EPB41L2: variants seen among roughly 807,000 people sequenced by gnomAD.
The protein encoded by EPB41L2 is erythrocyte membrane protein band 4.1 like 2.
A neutral mutation model predicts 113.0 loss-of-function variants in EPB41L2; 43 were observed. That is an observed-to-expected ratio of 0.38 (90% CI 0.30 to 0.49). The LOEUF (loss-of-function observed/expected upper bound fraction) is 0.49, where lower values mean the gene tolerates loss of function less well. EPB41L2 is among the 20% of genes least tolerant of loss of function. EPB41L2 has a pLI of 0.95. For missense variants in EPB41L2, 1,147 were observed against 1,223.4 expected, an observed-to-expected ratio of 0.94 and a Z score of 0.93; for synonymous variants, 442 against 436.7, an observed-to-expected ratio of 1.01 and a Z score of -0.15.
At chr6:130,900,882 C>A in intron 7 of EPB41L2, 80 bp downstream of exon 7, 2 of 1,504,356 alleles carry the variant, frequency 1.3e-6, no homozygotes, top group African/African-American at 1.4e-5. Flanking sequence ...GTAAATCATG[C>A]TCAAATGTCT....
chr6:131,006,679 A>G (rs904115135), intron 1 of EPB41L2, among the ~76,000 whole-genome samples: 91 of 151,992 alleles, frequency 6.0e-4, no homozygotes, highest in African/African-American at 2.2e-3. Flanking sequence ...AAAAAAAAAA[A>G]AAGATTCATT....
At chr6:130,999,848 T>C (rs1018942368) in intron 1 of EPB41L2, among the ~76,000 whole-genome samples, 10 of 152,192 alleles carry the variant, frequency 6.6e-5, no homozygotes, top group Non-Finnish European at 1.5e-5. Flanking sequence ...GCTAACTGAC[T>C]GAAAGATCAG....
chr6:130,917,853 C>T (rs895392921), intron 4 of EPB41L2, among the ~76,000 whole-genome samples: 7 of 152,200 alleles, frequency 4.6e-5, no homozygotes, highest in Non-Finnish European at 7.3e-5. Context: ...TCAAATGCCT[C>T]GCCATGCCTT....
chr6:131,005,174 C>T (rs1333639951), intron 1 of EPB41L2, among the ~76,000 whole-genome samples: 7 of 140,136 alleles, frequency 5.0e-5, no homozygotes, highest in Non-Finnish European at 1.1e-4. Context: ...TGATCTTTTA[C>T]AGAGTTTTTT....
chr6:131,006,791 C>T (rs1390834202), intron 1 of EPB41L2, among the ~76,000 whole-genome samples: 1 of 151,974 alleles, frequency 6.6e-6, no homozygotes, highest in Admixed American at 6.6e-5. Flanking sequence ...TATTACTCTA[C>T]AATTATCTCA....
At chr6:130,998,692 G>A (rs1783697816) in intron 1 of EPB41L2, among the ~76,000 whole-genome samples, 1 of 152,146 alleles carries the variant, frequency 6.6e-6, no homozygotes, top group African/African-American at 2.4e-5. Context: ...ACAAACAGTA[G>A]ACTCTGATTA....
In EPB41L2 at chr6:130,853,278, C is replaced by T. The variant is rs552899341; in HGVS notation, c.*5+4853G>A. Reference sequence around the variant, plus strand: ...CTTTTTTACCTGACATCAATTATTACTCTAAGAGTCAGAGAGGCTCCTGTG... The same window carrying T: ...CTTTTTTACCTGACATCAATTATTATTCTAAGAGTCAGAGAGGCTCCTGTG... On this transcript the variant is annotated intron_variant, in intron 19 of 19. Coordinates refer to ENST00000337057, the MANE Select transcript of EPB41L2 (RefSeq NM_001431.4). 3.9e-5 allele frequency among the ~76,000 whole-genome samples: 6 copies of T among 152,284 alleles called. No individual in the cohort carries two copies. In the South Asian group the frequency reaches 1.2e-3, roughly 32 times the overall value.
At chr6:131,011,840 C>T (rs1470844949) in intron 1 of EPB41L2, among the ~76,000 whole-genome samples, 1 of 152,132 alleles carries the variant, frequency 6.6e-6, no homozygotes, top group African/African-American at 2.4e-5. Context: ...ATCCAGTGTA[C>T]AGTAAATGGG....
chr6:130,853,501 G>T (rs924457198), intron 19 of EPB41L2, among the ~76,000 whole-genome samples: 4 of 152,226 alleles, frequency 2.6e-5, no homozygotes, highest in African/African-American at 9.6e-5. Context: ...CGGCAGGAGG[G>T]AGTAGTCCTT....
chr6:130,944,243 G>A (rs1812003076), intron 3 of EPB41L2, among the ~76,000 whole-genome samples: 1 of 150,570 alleles, frequency 6.6e-6, no homozygotes, highest in Non-Finnish European at 1.5e-5. Context: ...TAGAGGGGAT[G>A]GAGAGAAGAC....
At chr6:130,985,297 G>A (rs184045336) in intron 1 of EPB41L2, among the ~76,000 whole-genome samples, 1 of 152,056 alleles carries the variant, frequency 6.6e-6, no homozygotes, top group African/African-American at 2.4e-5. Flanking sequence ...GCCACATTTG[G>A]GGGGGGACTT....
intron 1 of EPB41L2, among the ~76,000 whole-genome samples, chr6:130,981,804 T>C (rs1779434828): frequency 6.6e-6 from 1 of 152,164 alleles, no homozygotes; most frequent in South Asian, 2.1e-4. Context: ...TTTAAATTTG[T>C]AAAATAAAAA....
At chr6:131,017,244 G>A (rs1788445803) in intron 1 of EPB41L2, among the ~76,000 whole-genome samples, 1 of 152,138 alleles carries the variant, frequency 6.6e-6, no homozygotes, top group African/African-American at 2.4e-5. Flanking sequence ...TTATACCACT[G>A]GACTAGGAGC....
chr6:130,959,991 T>C (rs949627433), intron 1 of EPB41L2, among the ~76,000 whole-genome samples: 2 of 152,364 alleles, frequency 1.3e-5, no homozygotes, highest in East Asian at 3.9e-4. Context: ...AAAGCATTAA[T>C]AGTTGTTTAT....
rs61731764 is a variant in EPB41L2, at chr6:130,865,592, C to T, written c.2773G>A (p.Ala925Thr). 514 of 1,614,026 alleles carry T rather than the reference C, an allele frequency of 3.2e-4. 2 individuals are homozygous for T. The African/African-American group carries it at 5.5e-3, about 17-fold the overall frequency. The change falls in exon 17 of 20, where the codon GCA (alanine) becomes ACA (threonine). Residue 925 changes from alanine (A) to threonine (T), a missense_variant. Physicochemically the swap from Ala to Thr is moderately conservative, Grantham distance 58 (BLOSUM62 0). Coordinates refer to ENST00000337057, the MANE Select transcript of EPB41L2 (RefSeq NM_001431.4). ...ACGGACTCAGATGTGATGGTTTGTG[C>T]GGTCAGTAACGTGCCCGAATCACCA... is the stretch of plus-strand genomic sequence containing the variant. ...AGGDSGTLLT[A>T]QTITSESVST... is the part of the protein sequence containing the mutation.
chr6:130,890,597 A>G (rs1196170219), intron 10 of EPB41L2, 131 bp from the exon 11 acceptor site: 1 of 1,071,410 alleles, frequency 9.3e-7, no homozygotes. Flanking sequence ...CTCAAAAACT[A>G]AACTTTCTAA....
At chr6:130,975,118 A>G (rs1429119924) in intron 1 of EPB41L2, among the ~76,000 whole-genome samples, 1 of 152,166 alleles carries the variant, frequency 6.6e-6, no homozygotes, top group Non-Finnish European at 1.5e-5. Context: ...TTCCAATATG[A>G]TTTAAATACA....
chr6:130,991,360 C>A (rs1186418416), intron 1 of EPB41L2, among the ~76,000 whole-genome samples: 1 of 152,128 alleles, frequency 6.6e-6, no homozygotes, highest in African/African-American at 2.4e-5. Flanking sequence ...ACCAAGGAGA[C>A]ATTTACAGGG....
At chr6:131,034,437 G>A (rs892698332) in intron 1 of EPB41L2, among the ~76,000 whole-genome samples, 5 of 152,258 alleles carry the variant, frequency 3.3e-5, no homozygotes, top group African/African-American at 4.8e-5. Context: ...GTGAAACCTC[G>A]TATCTACAAA....
Sources: allele counts gnomAD v4.1 joint callset (sites outside exome capture counted in the v4.1 genomes callset), GRCh38; gene constraint gnomAD v4.1.1; transcripts MANE v1.5; gene names NCBI Gene and HGNC (gene_info 2026-07-23, HGNC 2026-07-21).